The following GSAP variants were observed in gnomAD, a reference collection of about 807,000 sequenced individuals.
GSAP encodes the protein gamma-secretase activating protein, also known as gamma-secretase-activating protein.
GSAP carries 118 observed loss-of-function variants against 131.7 expected under a neutral mutation model. That is an observed-to-expected ratio of 0.90 (90% CI 0.77 to 1.04). The LOEUF is 1.04. Ranked by LOEUF, GSAP falls within the 50% of genes least tolerant of loss-of-function variation. The probability of loss-of-function intolerance (pLI) is 0.00; values close to 1 mark genes in which losing one functional copy is unlikely to be tolerated. For synonymous variants in GSAP, 381 were observed against 363.4 expected (o/e 1.05, Z -0.55); for missense variants, 1,019 against 1,013.2 (o/e 1.01, Z -0.08).
intron 10 of GSAP, among the ~76,000 whole-genome samples, chr7:77,375,526 G>A (rs1198200135): frequency 6.6e-6 from 1 of 152,148 alleles, no homozygotes; most frequent in Non-Finnish European, 1.5e-5. Context: ...ATAACAATCT[G>A]TATTAGATAG....
chr7:77,320,317 A>G (rs1161727198), intron 26 of GSAP, among the ~76,000 whole-genome samples: 1 of 152,172 alleles, frequency 6.6e-6, no homozygotes, highest in Non-Finnish European at 1.5e-5. Flanking sequence ...AAAAATTCCA[A>G]GGGAATTTTT....
Position 77,360,815 on chromosome 7 carries a change from A to C in GSAP, c.1027+9T>G, listed in dbSNP as rs773163288. 7 of 1,475,370 alleles carry C rather than the reference A, an allele frequency of 4.7e-6. No individual in the cohort carries two copies. In the East Asian group the frequency reaches 1.1e-4, roughly 24 times the overall value. The allele number at this position is 1,475,370 out of a possible 1,614,324, so 91.4% of individuals were successfully genotyped here. ...TCAGAGCAGGGGGTGTGATCTCTCC[A>C]TCACTCACCAAGGTTGAGAAAAGTA... On this transcript the variant is annotated intron_variant, in intron 14 of 30. Transcript: ENST00000257626.
rs531708707 is a variant in GSAP at position 77,334,785 on chromosome 7, T to C, written c.1546-4418A>G. On this transcript the variant is annotated intron_variant, in intron 19 of 30. Coordinates refer to ENST00000257626, the MANE Select transcript of GSAP (RefSeq NM_017439.4). Reference sequence around the variant, plus strand: ...CTTTAAAAATAAAACACAAAAATGCTGTATAAGAAACATACCCGGCCAGGC... The same window carrying C: ...CTTTAAAAATAAAACACAAAAATGCCGTATAAGAAACATACCCGGCCAGGC... Among the ~76,000 whole-genome samples the C allele has an allele frequency of 1.6e-4, 25 of 152,014 alleles. 1 individual carries two copies. In the South Asian group the frequency reaches 5.2e-3, roughly 32 times the overall value.
At chr7:77,340,542 G>A (rs1275457882) in intron 19 of GSAP, among the ~76,000 whole-genome samples, 2 of 152,016 alleles carry the variant, frequency 1.3e-5, no homozygotes, top group Non-Finnish European at 2.9e-5. Flanking sequence ...CTCTTTTCCA[G>A]CCTCTCTTGC....
intron 12 of GSAP, among the ~76,000 whole-genome samples, chr7:77,373,755 G>A (rs1201734792): frequency 6.6e-6 from 1 of 152,220 alleles, no homozygotes; most frequent in African/African-American, 2.4e-5. Context: ...AGCCATCGCT[G>A]TTAGTCATTT....
chr7:77,353,347 T>G (rs948426693), intron 17 of GSAP, among the ~76,000 whole-genome samples: 2 of 151,928 alleles, frequency 1.3e-5, no homozygotes, highest in African/African-American at 4.8e-5. Context: ...AGAATCAAGA[T>G]CCTATCTTGT....
chr7:77,374,720 A>T (rs1477265322), intron 11 of GSAP, among the ~76,000 whole-genome samples: 1 of 152,154 alleles, frequency 6.6e-6, no homozygotes, highest in African/African-American at 2.4e-5. Context: ...GATGTCAACA[A>T]AAAGGGTTTT....
chr7:77,314,514 A>G, intron 26 of GSAP, 25 bp from the exon 27 acceptor site: 1 of 1,612,978 alleles, frequency 6.2e-7, no homozygotes, highest in South Asian at 1.1e-5. Context: ...CTGGAGGGTA[A>G]ACACAGTCAG....
intron 12 of GSAP, among the ~76,000 whole-genome samples, chr7:77,368,272 C>T: frequency 6.6e-6 from 1 of 152,184 alleles, no homozygotes; most frequent in East Asian, 1.9e-4. Context: ...CTGGATGATT[C>T]AGTTGAAGGC....
chr7:77,341,706 C>T (rs1584363669), intron 19 of GSAP, among the ~76,000 whole-genome samples: 1 of 152,310 alleles, frequency 6.6e-6, no homozygotes, highest in Admixed American at 6.5e-5. Context: ...CATTTTATTA[C>T]CCAATCCACT....
intron 2 of GSAP, 24 bp downstream of exon 2, chr7:77,406,005 C>T: frequency 1.2e-6 from 1 of 829,840 alleles, no homozygotes; most frequent in Non-Finnish European, 1.7e-6. Flanking sequence ...CATCTTACCA[C>T]AATAAAAAAG....
intron 28 of GSAP, among the ~76,000 whole-genome samples, chr7:77,312,528 G>C (rs1794506728): frequency 6.6e-6 from 1 of 152,176 alleles, no homozygotes; most frequent in Admixed American, 6.5e-5. Flanking sequence ...ACTAAGGGGG[G>C]TACGCATGTT....
intron 14 of GSAP, among the ~76,000 whole-genome samples, chr7:77,360,555 C>T (rs1794376298): frequency 6.6e-6 from 1 of 152,056 alleles, no homozygotes. Context: ...TAGGCTGCTA[C>T]CAAAAAACAT....
chr7:77,352,965 G>C lies in GSAP; in HGVS notation c.1470C>G (p.Ser490=). 1.3e-6 allele frequency: 2 copies of C among 1,595,194 alleles called. No individual in the cohort carries two copies. Among genetic ancestry groups the C allele is most frequent in the Non-Finnish European group, 1.7e-6 (2 of 1,162,852 alleles). ...TTACTGTATTCCAAGTGAGCACTGA[G>C]GAATGTGGCAATAGTTTGTCCATGT... ...TSNMDKLLPH[S]SVLTWNTEIP... The change falls in exon 18 of 31, where the codon TCC becomes TCG. Residue 490 remains serine, a synonymous_variant. Transcript: ENST00000257626.
chr7:77,326,421 A>C (rs1436667230), intron 22 of GSAP, 148 bp from the exon 23 acceptor site: 2 of 578,338 alleles, frequency 3.5e-6, no homozygotes, highest in Admixed American at 6.8e-5. Flanking sequence ...AGTGTGACCT[A>C]GTCCTACAAG....
intron 19 of GSAP, among the ~76,000 whole-genome samples, chr7:77,334,303 C>T (rs1248059401): frequency 2.0e-5 from 3 of 151,940 alleles, no homozygotes; most frequent in Non-Finnish European, 2.9e-5. Context: ...AGCCATTATC[C>T]TCAGCAAACT....
intron 12 of GSAP, among the ~76,000 whole-genome samples, chr7:77,372,386 TTATA>T (rs143533613): frequency 1.9e-4 from 29 of 152,328 alleles, no homozygotes; most frequent in Non-Finnish European, 4.1e-4. Flanking sequence ...ACATATTTAT[TTATA>T]TATACACACA....
intron 6 of GSAP, among the ~76,000 whole-genome samples, chr7:77,384,574 T>C (rs577017739): frequency 3.8e-4 from 58 of 152,204 alleles, no homozygotes; most frequent in Non-Finnish European, 6.2e-4. Context: ...AGGTCTGTAG[T>C]CTCGGTGTGT....
At chr7:77,318,202 C>T (rs77597899) in intron 26 of GSAP, among the ~76,000 whole-genome samples, 13,872 of 152,208 alleles carry the variant, frequency 0.091, 776 homozygotes, top group Non-Finnish European at 0.11. Context: ...GCAAATTACT[C>T]AACCTTTCTG....
Sources: gnomAD v4.1 joint callset for allele counts (sites outside exome capture counted in the v4.1 genomes callset) on GRCh38, gnomAD v4.1.1 for gene constraint, MANE v1.5 for transcripts, NCBI Gene and HGNC (gene_info 2026-07-23, HGNC 2026-07-21) for gene names.